ADCY5: variants seen among roughly 807,000 people sequenced by gnomAD.
ADCY5 encodes adenylate cyclase type 5.
Under a neutral mutation model 119.7 loss-of-function variants are expected in ADCY5, and 30 were observed. The ratio of observed to expected loss-of-function variants is 0.25; its 90% CI spans 0.19 to 0.34. The LOEUF (loss-of-function observed/expected upper bound fraction) is 0.34, where lower values mean the gene tolerates loss of function less well. ADCY5 is among the 10% of genes least tolerant of loss of function. The probability of loss-of-function intolerance (pLI) is 1.00; values close to 1 mark genes in which losing one functional copy is unlikely to be tolerated. For synonymous variants in ADCY5, 753 were observed against 762.2 expected, an observed-to-expected ratio of 0.99 and a Z score of 0.20; for missense variants, 1,324 against 1,775.2, an observed-to-expected ratio of 0.75 and a Z score of 4.57.
chr3:123,363,766 G>A (rs1017461521), intron 1 of ADCY5, among the ~76,000 whole-genome samples: 2 of 152,058 alleles, frequency 1.3e-5, no homozygotes, highest in African/African-American at 2.4e-5. Flanking sequence ...AAAATTAGCC[G>A]GGCATGGTGG....
At chr3:123,379,034 C>T (rs1227313838) in intron 1 of ADCY5, among the ~76,000 whole-genome samples, 1 of 152,204 alleles carries the variant, frequency 6.6e-6, no homozygotes, top group Non-Finnish European at 1.5e-5. Flanking sequence ...CTCCTCTACA[C>T]TCTTGTTCTC....
At chr3:123,396,223 AAAAG>A (rs1383633641) in intron 1 of ADCY5, among the ~76,000 whole-genome samples, 101 of 132,642 alleles carry the variant, frequency 7.6e-4, no homozygotes, top group African/African-American at 2.4e-3. Context: ...GAAAGAAAGA[AAAAG>A]AAACAAAGAA....
chr3:123,385,999 G>A (rs1468382537), intron 1 of ADCY5, among the ~76,000 whole-genome samples: 1 of 152,154 alleles, frequency 6.6e-6, no homozygotes, highest in Admixed American at 6.5e-5. Context: ...CTGACCTGAG[G>A]TCAAAGCCTA....
chr3:123,393,863 G>A (rs577664169), intron 1 of ADCY5, among the ~76,000 whole-genome samples: 4 of 152,054 alleles, frequency 2.6e-5, no homozygotes, highest in South Asian at 2.1e-4. Flanking sequence ...GCGGCTGGGC[G>A]CGGTGGTTCA....
intron 1 of ADCY5, among the ~76,000 whole-genome samples, chr3:123,398,188 G>T (rs1280640314): frequency 1.3e-5 from 2 of 152,126 alleles, no homozygotes; most frequent in Non-Finnish European, 2.9e-5. Context: ...TGGAGGTCAG[G>T]TCTCGCCAGC....
chr3:123,403,117 C>T (rs1413890474), intron 1 of ADCY5, among the ~76,000 whole-genome samples: 5 of 152,036 alleles, frequency 3.3e-5, no homozygotes, highest in Admixed American at 6.5e-5. Flanking sequence ...CGGTGGCTCA[C>T]GCCTGTACTC....
chr3:123,444,856 G>A (rs1183963999), intron 1 of ADCY5, among the ~76,000 whole-genome samples: 2 of 152,124 alleles, frequency 1.3e-5, no homozygotes, highest in African/African-American at 4.8e-5. Context: ...CCATTTCCCT[G>A]GACATGTGTC....
intron 11 of ADCY5, among the ~76,000 whole-genome samples, chr3:123,317,076 T>G (rs986016187): frequency 2.0e-4 from 31 of 152,214 alleles, no homozygotes; most frequent in African/African-American, 7.2e-4. Context: ...TGTGCATGGG[T>G]GTACATACAT....
At position 123,300,598 on chromosome 3, in the gene ADCY5, G is replaced by A. The variant is rs191853377; in HGVS notation, c.2725-303C>T. On this transcript the variant is annotated intron_variant, in intron 14 of 20. Transcript: ENST00000462833. ...CTGGGCTTTGTGTGCCTCGGGCTGC[G>A]TGCTCAGCCCCTCTGAGCCTCAGTG... Among the ~76,000 whole-genome samples, 54 of 152,300 alleles carry A rather than the reference G, an allele frequency of 3.5e-4. 1 individual carries two copies. Among genetic ancestry groups the A allele is most frequent in the Middle Eastern group, 3.4e-3 (1 of 294 alleles).
intron 1 of ADCY5, among the ~76,000 whole-genome samples, chr3:123,409,302 C>T (rs1260808180): frequency 2.0e-5 from 3 of 152,114 alleles, no homozygotes; most frequent in African/African-American, 7.2e-5. Context: ...GCCATGGGGG[C>T]CCCCAGGGAT....
At chr3:123,370,474 A>G (rs1943597357) in intron 1 of ADCY5, among the ~76,000 whole-genome samples, 1 of 152,156 alleles carries the variant, frequency 6.6e-6, no homozygotes, top group Admixed American at 6.5e-5. Context: ...GAAGTGCTAC[A>G]TGCAGCTCCC....
intron 3 of ADCY5, among the ~76,000 whole-genome samples, chr3:123,333,052 C>G (rs947765271): frequency 6.6e-6 from 1 of 152,098 alleles, no homozygotes; most frequent in African/African-American, 2.4e-5. Flanking sequence ...AGCCACCACA[C>G]CTGGTTCCAT....
chr3:123,424,050 G>A (rs887396239), intron 1 of ADCY5, among the ~76,000 whole-genome samples: 1 of 152,242 alleles, frequency 6.6e-6, no homozygotes, highest in African/African-American at 2.4e-5. Flanking sequence ...GAAACATGGT[G>A]AGGCCACCGT....
At chr3:123,322,038 C>T (rs1019616659) in intron 8 of ADCY5, among the ~76,000 whole-genome samples, 5 of 152,200 alleles carry the variant, frequency 3.3e-5, no homozygotes, top group African/African-American at 9.6e-5. Context: ...AGTGGTCCCA[C>T]GTCACCATCC....
At chr3:123,322,909 T>A (rs1312008319) in intron 8 of ADCY5, among the ~76,000 whole-genome samples, 4 of 152,158 alleles carry the variant, frequency 2.6e-5, no homozygotes, top group Non-Finnish European at 4.4e-5. Flanking sequence ...CAGCCCCCCA[T>A]CCCTGCTTCA....
intron 1 of ADCY5, among the ~76,000 whole-genome samples, chr3:123,430,387 G>A (rs1277400325): frequency 6.6e-6 from 1 of 152,094 alleles, no homozygotes; most frequent in Non-Finnish European, 1.5e-5. Context: ...GGACACCCCA[G>A]GATGGAAGCA....
At chr3:123,347,443 C>T (rs542552099) in intron 3 of ADCY5, among the ~76,000 whole-genome samples, 6 of 152,180 alleles carry the variant, frequency 3.9e-5, no homozygotes, top group South Asian at 2.1e-4. Flanking sequence ...TGGTGACATT[C>T]GGGTCCCAGT....
At chr3:123,317,879 G>A (rs2108334427) in intron 11 of ADCY5, 141 bp downstream of exon 11, 2 of 733,738 alleles carry the variant, frequency 2.7e-6, no homozygotes, top group Admixed American at 2.3e-5. Context: ...CCCCACCAAG[G>A]GCACACTCAG....
Position 123,300,195 on chromosome 3 carries a change from A to T in ADCY5, c.2825T>A (p.Ile942Asn), listed in dbSNP as rs939787998. ...TGGCACCTCCACGATGAGCACGTAG[A>T]TGAGCTCGATGGCCAGCATGAGCAC... ...KLVLMLAIEL[I>N]YVLIVEVPGV... The change falls in exon 15 of 21, where the codon ATC (isoleucine) becomes AAC (asparagine). Residue 942 changes from isoleucine (I) to asparagine (N), a missense_variant. By Grantham distance (149) the Ile-to-Asn change is moderately radical. This residue lies in a region of ADCY5 where 424 missense variants were observed against 546.8 expected (regional missense o/e 0.78). Transcript: ENST00000462833. The T allele has an allele frequency of 1.2e-6, 2 of 1,613,860 alleles. No individual in the cohort carries two copies. Among genetic ancestry groups the T allele is most frequent in the Middle Eastern group, 1.6e-4 (1 of 6,062 alleles).
Sources: gnomAD v4.1 joint callset for allele counts (sites outside exome capture counted in the v4.1 genomes callset) on GRCh38, gnomAD v4.1.1 for gene constraint, gnomAD v4.1.1 regional missense constraint, MANE v1.5 for transcripts, NCBI Gene and HGNC (gene_info 2026-07-23, HGNC 2026-07-21) for gene names.